The following ADGB variants were observed in gnomAD, a reference collection of about 807,000 sequenced individuals.
ADGB encodes calpain-7-like protein.
In ADGB, 172 loss-of-function variants were observed where a neutral mutation model predicts 210.5. That is an observed-to-expected ratio of 0.82 (90% CI 0.72 to 0.93). The LOEUF (loss-of-function observed/expected upper bound fraction) is 0.93, where lower values mean the gene tolerates loss of function less well. ADGB is among the 40% of genes least tolerant of loss of function. The pLI, the probability that ADGB is intolerant of heterozygous loss-of-function variation, is 0.00. For synonymous variants in ADGB, 658 were observed against 662.7 expected, an observed-to-expected ratio of 0.99 and a Z score of 0.11; for missense variants, 2,025 against 1,964.8, an observed-to-expected ratio of 1.03 and a Z score of -0.58.
chr6:146,737,897 T>C (rs1333747320), intron 23 of ADGB, among the ~76,000 whole-genome samples: 1 of 152,188 alleles, frequency 6.6e-6, no homozygotes, highest in East Asian at 1.9e-4. Flanking sequence ...TCATATCTGA[T>C]ACAGAGGCCA....
intron 1 of ADGB, among the ~76,000 whole-genome samples, chr6:146,599,859 G>C (rs370233479): frequency 3.3e-5 from 5 of 152,130 alleles, no homozygotes; most frequent in Non-Finnish European, 7.4e-5. Flanking sequence ...CATTCCCACT[G>C]TGAGAGAATC....
chr6:146,782,266 T>C (rs1246365563), intron 30 of ADGB, 74 bp downstream of exon 30: 2 of 1,346,128 alleles, frequency 1.5e-6, no homozygotes, highest in Admixed American at 6.5e-5. Flanking sequence ...GCCTATCTCG[T>C]CTGAGGACAA....
chr6:146,711,654 A>T (rs1776658303), intron 13 of ADGB, among the ~76,000 whole-genome samples: 1 of 152,170 alleles, frequency 6.6e-6, no homozygotes. Context: ...TAAAATTTCA[A>T]TTTGGAAGTC....
intron 18 of ADGB, 170 bp downstream of exon 18, chr6:146,724,497 C>T (rs1170857992): frequency 1.7e-6 from 1 of 588,072 alleles, no homozygotes; most frequent in African/African-American, 1.9e-5. Context: ...CAAAAAACTA[C>T]ATTGAGAAAT....
rs1037095974 is a variant in ADGB at position 146,656,662 on chromosome 6, A to G, written c.403-109A>G. Reference sequence around the variant, plus strand: ...TGAAAGTATGGAATACATTACATGTATAATTTAATATTATTCTTGGAAGTG... The same window carrying G: ...TGAAAGTATGGAATACATTACATGTGTAATTTAATATTATTCTTGGAAGTG... On this transcript the variant is annotated intron_variant, in intron 4 of 35. Transcript: ENST00000397944. The G allele has an allele frequency of 7.1e-5, 51 of 715,386 alleles. 1 individual carries two copies. Among genetic ancestry groups the G allele is most frequent in the South Asian group, 4.5e-4 (20 of 43,984 alleles). 44.3% of individuals were successfully genotyped at this position (715,386 alleles called of 1,614,324 possible). A position where few individuals can be genotyped will look rare whatever the true frequency, so the allele number is the denominator to read the frequency against.
chr6:146,658,078 C>T (rs1775809398), intron 5 of ADGB, among the ~76,000 whole-genome samples: 1 of 151,974 alleles, frequency 6.6e-6, no homozygotes, highest in Admixed American at 6.6e-5. Context: ...CTTTTTCTTT[C>T]ATAGGCCTGA....
At chr6:146,636,752 G>A (rs535980750) in intron 2 of ADGB, among the ~76,000 whole-genome samples, 1 of 152,120 alleles carries the variant, frequency 6.6e-6, no homozygotes, top group Non-Finnish European at 1.5e-5. Flanking sequence ...GTGGTGGACA[G>A]TGTCCAAGCC....
At chr6:146,661,228 T>C (rs949423589) in intron 5 of ADGB, among the ~76,000 whole-genome samples, 2 of 146,612 alleles carry the variant, frequency 1.4e-5, no homozygotes, top group South Asian at 2.2e-4. Context: ...TTCTTTTTTT[T>C]TTTTTTTTTG....
At chr6:146,631,417 T>A (rs1434438550) in intron 1 of ADGB, among the ~76,000 whole-genome samples, 1 of 152,094 alleles carries the variant, frequency 6.6e-6, no homozygotes, top group Non-Finnish European at 1.5e-5. Context: ...CACAGAATGT[T>A]TATGAACCCG....
intron 26 of ADGB, among the ~76,000 whole-genome samples, chr6:146,746,591 A>G (rs1445859592): frequency 6.6e-6 from 1 of 152,132 alleles, no homozygotes; most frequent in African/African-American, 2.4e-5. Flanking sequence ...TGTTTCTGGA[A>G]TCCATGACTC....
At chr6:146,793,387 G>A (rs1777980944) in intron 33 of ADGB, among the ~76,000 whole-genome samples, 1 of 152,176 alleles carries the variant, frequency 6.6e-6, no homozygotes, top group Non-Finnish European at 1.5e-5. Context: ...GGACACCCCA[G>A]CTGCTGCTGG....
At chr6:146,650,737 A>G (rs1056451806) in intron 3 of ADGB, among the ~76,000 whole-genome samples, 4 of 151,848 alleles carry the variant, frequency 2.6e-5, no homozygotes, top group African/African-American at 9.7e-5. Flanking sequence ...TGGCTGGTGC[A>G]ATTGAGACCA....
chr6:146,680,501 GA>G (rs1465521808), intron 9 of ADGB, among the ~76,000 whole-genome samples: 2 of 152,256 alleles, frequency 1.3e-5, no homozygotes, highest in African/African-American at 4.8e-5. Context: ...ATAACAAGGT[GA>G]AAATATGTGG....
intron 35 of ADGB, chr6:146,803,101 A>T (rs1778156164): frequency 1.3e-6 from 2 of 1,519,896 alleles, no homozygotes. Context: ...TCCTGTAAAC[A>T]ATTGGTGAGC....
rs569081071 is a variant in ADGB at position 146,728,593 on chromosome 6, A to G, written c.2372A>G (p.Glu791Gly). ...TCACAGGAGAGCTGCCGATTTACGG[A>G]ACAGTCTCTGTTGATTATGAAAGCT... ...NFEPESCRFT[E>G]QSLLIMKAIG... The change falls in exon 20 of 36, where the codon GAA becomes GGA. Residue 791 changes from glutamate to glycine, a missense_variant. Physicochemically the swap from Glu to Gly is moderately conservative, Grantham distance 98 (BLOSUM62 -2). Transcript: ENST00000397944. The G allele has an allele frequency of 5.8e-6, 9 of 1,551,498 alleles. No homozygotes were observed. The South Asian group carries it at 1.1e-4, about 18-fold the overall frequency.
chr6:146,808,207 C>T (rs1398107426), intron 35 of ADGB, among the ~76,000 whole-genome samples: 3 of 152,062 alleles, frequency 2.0e-5, no homozygotes, highest in Admixed American at 1.3e-4. Flanking sequence ...ACCATGTTGG[C>T]CAGGCTGGTC....
At chr6:146,680,517 T>C (rs1214663077) in intron 9 of ADGB, among the ~76,000 whole-genome samples, 5 of 152,152 alleles carry the variant, frequency 3.3e-5, no homozygotes, top group Non-Finnish European at 5.9e-5. Context: ...ATGTGGTGTC[T>C]GCTTAACAGT....
At chr6:146,644,951 T>G (rs1775585557) in intron 3 of ADGB, 86 bp downstream of exon 3, 1 of 742,470 alleles carries the variant, frequency 1.3e-6, no homozygotes, top group African/African-American at 1.9e-5. Flanking sequence ...TTGTAATGAT[T>G]TAGGGTAATT....
At chr6:146,647,693 A>G (rs1232439382) in intron 3 of ADGB, among the ~76,000 whole-genome samples, 1 of 152,116 alleles carries the variant, frequency 6.6e-6, no homozygotes, top group East Asian at 1.9e-4. Flanking sequence ...CCAGATGAAA[A>G]AAGTTACAGG....
Sources: gnomAD v4.1 joint callset for allele counts (sites outside exome capture counted in the v4.1 genomes callset) on GRCh38, gnomAD v4.1.1 for gene constraint, MANE v1.5 for transcripts, NCBI Gene and HGNC (gene_info 2026-07-23, HGNC 2026-07-21) for gene names.